Variants in OSBPL10 observed in about 807,000 individuals in gnomAD.
OSBPL10 encodes oxysterol-binding protein-related protein 10.
OSBPL10 carries 49 observed loss-of-function variants against 81.7 expected under a neutral mutation model. The ratio of observed to expected loss-of-function variants is 0.60; its 90% CI spans 0.48 to 0.76. The LOEUF is 0.76. Among genes scored for constraint, OSBPL10 ranks in the 30% least tolerant of loss-of-function variants. The pLI is 0.00. For missense variants in OSBPL10, 923 were observed against 987.8 expected (o/e 0.93, Z 0.88); for synonymous variants, 419 against 383.6 (o/e 1.09, Z -1.08).
At chr3:32,040,421 T>G (rs1306457820) in intron 2 of OSBPL10, among the ~76,000 whole-genome samples, 2 of 150,732 alleles carry the variant, frequency 1.3e-5, no homozygotes, top group East Asian at 2.0e-4. Flanking sequence ...AATATATATA[T>G]AGAAATTAGC....
chr3:31,791,738 T>C (rs572602515), intron 4 of OSBPL10, among the ~76,000 whole-genome samples: 3 of 151,622 alleles, frequency 2.0e-5, no homozygotes, highest in African/African-American at 7.3e-5. Context: ...AAAAAGCTAG[T>C]AACCACCAAG....
intron 1 of OSBPL10, among the ~76,000 whole-genome samples, chr3:31,947,838 C>G (rs535970227): frequency 6.6e-6 from 1 of 151,280 alleles, no homozygotes; most frequent in South Asian, 2.1e-4. Flanking sequence ...CTCTCAGGAT[C>G]CGGAGAAACT....
At chr3:32,075,934 G>A (rs939251214) in intron 1 of OSBPL10, among the ~76,000 whole-genome samples, 1 of 152,116 alleles carries the variant, frequency 6.6e-6, no homozygotes, top group Non-Finnish European at 1.5e-5. Flanking sequence ...CAGCCTGACT[G>A]ATCAATGTAC....
At chr3:32,076,263 G>A (rs1699875719) in intron 1 of OSBPL10, among the ~76,000 whole-genome samples, 1 of 152,002 alleles carries the variant, frequency 6.6e-6, no homozygotes, top group Non-Finnish European at 1.5e-5. Context: ...AGCTACTCAG[G>A]AGGCTGAGGC....
intron 6 of OSBPL10, chr3:31,711,150 A>C (rs1696238905): frequency 6.6e-6 from 1 of 152,238 alleles, no homozygotes; most frequent in Non-Finnish European, 1.5e-5. Context: ...CATTCTAGCA[A>C]GGAGTCCCTA....
intron 2 of OSBPL10, among the ~76,000 whole-genome samples, chr3:32,024,608 C>T (rs535403313): frequency 6.6e-6 from 1 of 151,690 alleles, no homozygotes; most frequent in Non-Finnish European, 1.5e-5. Flanking sequence ...CCTCAGCCCC[C>T]CCAGTAGCTG....
intron 1 of OSBPL10, among the ~76,000 whole-genome samples, chr3:31,915,991 G>T (rs997489489): frequency 2.0e-5 from 3 of 151,568 alleles, no homozygotes; most frequent in African/African-American, 7.3e-5. Flanking sequence ...AGCTACTCGG[G>T]AGGCTGAGGC....
At chr3:31,880,879 C>T (rs1157730181) in intron 1 of OSBPL10, among the ~76,000 whole-genome samples, 1 of 152,216 alleles carries the variant, frequency 6.6e-6, no homozygotes, top group East Asian at 1.9e-4. Context: ...TTGGACAAGT[C>T]TCAACAGTTC....
intron 9 of OSBPL10, 102 bp from the exon 10 acceptor site, chr3:31,668,926 G>A: frequency 2.9e-6 from 3 of 1,050,784 alleles, no homozygotes; most frequent in African/African-American, 3.2e-5. Flanking sequence ...AATCAGAAAT[G>A]GGAAGGAGGG....
At chr3:31,712,389 C>T (rs961407375) in intron 6 of OSBPL10, among the ~76,000 whole-genome samples, 1 of 152,192 alleles carries the variant, frequency 6.6e-6, no homozygotes, top group Non-Finnish European at 1.5e-5. Context: ...GGGGGCTTTA[C>T]ACATGTGATT....
chr3:31,867,660 T>G lies in OSBPL10; in HGVS notation c.537+8773A>C, dbSNP rs145715546. Among the ~76,000 whole-genome samples, 1,025 of 152,000 alleles carry G rather than the reference T, an allele frequency of 6.7e-3. 11 individuals carry two copies. Among genetic ancestry groups the G allele is most frequent in the African/African-American group, 0.023 (941 of 41,446 alleles). On this transcript the variant is annotated intron_variant, in intron 3 of 11. Coordinates refer to ENST00000396556, the MANE Select transcript of OSBPL10 (RefSeq NM_017784.5). ...CAGGAGGCTGAGGCAAGAGAATTGC[T>G]TGAACCTGGGAGGCGGAGGTTGCAG...
At chr3:31,818,348 G>A (rs917879535) in intron 4 of OSBPL10, among the ~76,000 whole-genome samples, 9 of 152,198 alleles carry the variant, frequency 5.9e-5, no homozygotes, top group Non-Finnish European at 7.4e-5. Context: ...CCTCATCTCC[G>A]GCCTGATGGC....
At chr3:31,968,451 T>C (rs997709263) in intron 1 of OSBPL10, among the ~76,000 whole-genome samples, 1 of 151,418 alleles carries the variant, frequency 6.6e-6, no homozygotes, top group Admixed American at 6.6e-5. Flanking sequence ...TTCCATGACA[T>C]GAATCACTGC....
chr3:31,713,304 G>A (rs1696326156), intron 6 of OSBPL10, among the ~76,000 whole-genome samples: 2 of 152,142 alleles, frequency 1.3e-5, no homozygotes, highest in South Asian at 2.1e-4. Context: ...GCAAAGGACA[G>A]GCTTACCTCA....
chr3:31,806,585 T>C (rs915862405), intron 4 of OSBPL10, among the ~76,000 whole-genome samples: 3 of 152,228 alleles, frequency 2.0e-5, no homozygotes, highest in African/African-American at 7.2e-5. Context: ...CCTGTGAAGC[T>C]TTACGTCCTA....
intron 1 of OSBPL10, among the ~76,000 whole-genome samples, chr3:31,953,705 C>T (rs966970396): frequency 1.3e-5 from 2 of 152,232 alleles, no homozygotes; most frequent in African/African-American, 4.8e-5. Context: ...CACACCTGGC[C>T]ACAATGGCCA....
At chr3:31,966,320 A>T (rs1239762718) in intron 1 of OSBPL10, among the ~76,000 whole-genome samples, 1 of 151,736 alleles carries the variant, frequency 6.6e-6, no homozygotes, top group Non-Finnish European at 1.5e-5. Context: ...AGCAATGGTT[A>T]GAGGGAAATT....
At chr3:31,929,611 G>A (rs1248904198) in intron 1 of OSBPL10, among the ~76,000 whole-genome samples, 1 of 151,944 alleles carries the variant, frequency 6.6e-6, no homozygotes, top group Non-Finnish European at 1.5e-5. Context: ...AGCTGGGCGT[G>A]GTGGCAGCCG....
At chr3:31,988,555 C>T (rs1464863125) in intron 2 of OSBPL10, 1 of 160,726 alleles carries the variant, frequency 6.2e-6, no homozygotes, top group Non-Finnish European at 1.4e-5. Context: ...TGGCAGAAGT[C>T]ATGGTATATC....
Sources: gnomAD v4.1 joint callset for allele counts (sites outside exome capture counted in the v4.1 genomes callset) on GRCh38, gnomAD v4.1.1 for gene constraint, MANE v1.5 for transcripts, NCBI Gene and HGNC (gene_info 2026-07-23, HGNC 2026-07-21) for gene names.